POLH: variants seen among roughly 807,000 people sequenced by gnomAD.
POLH encodes the protein DNA polymerase eta transcript.
In POLH, 53 loss-of-function variants were observed where a neutral mutation model predicts 73.6. The observed-to-expected ratio is 0.72, with a 90% CI of 0.58 to 0.91. POLH has a LOEUF of 0.91. POLH is among the 40% of genes least tolerant of loss of function. POLH has a pLI of 0.00. For missense variants in POLH, 768 were observed against 865.4 expected, an observed-to-expected ratio of 0.89 and a Z score of 1.41; for synonymous variants, 292 against 308.5, an observed-to-expected ratio of 0.95 and a Z score of 0.56.
chr6:43,586,781 C>T lies in POLH; in HGVS notation c.273-491C>T, dbSNP rs76792740. 6.6e-4 allele frequency among the ~76,000 whole-genome samples: 100 copies of T among 152,246 alleles called. No homozygotes were observed. In the East Asian group the frequency reaches 0.011, roughly 17 times the overall value. On this transcript the variant is annotated intron_variant, in intron 3 of 10. Coordinates refer to ENST00000372236, the MANE Select transcript of POLH (RefSeq NM_006502.3). ...TTGACTGAAGTATAAAATCCATATG[C>T]CAGTTTGTTAATTTATGGTGAGAAA... is the stretch of plus-strand genomic sequence containing the variant.
rs1037198460 is a variant in POLH, at chr6:43,616,839, T to C, written c.*2282T>C. On this transcript the variant is annotated 3_prime_UTR_variant, in exon 11 of 11. Coordinates refer to ENST00000372236, the MANE Select transcript of POLH (RefSeq NM_006502.3). Reference sequence around the variant, plus strand: ...GCCTATCTCTTGCGTTTTGTTCTAATGTAGAATTAGATTGCTACTTGACTA... The same window carrying C: ...GCCTATCTCTTGCGTTTTGTTCTAACGTAGAATTAGATTGCTACTTGACTA... Among the ~76,000 whole-genome samples the C allele has an allele frequency of 6.6e-6, 1 of 152,242 alleles. No individual in the cohort carries two copies.
At chr6:43,582,526 T>TGG (rs1764390116) in intron 2 of POLH, 70 bp downstream of exon 2, 2 of 1,508,310 alleles carry the variant, frequency 1.3e-6, no homozygotes, top group Non-Finnish European at 1.8e-6. Flanking sequence ...TCCTTTGTTG[T>TGG]TGTGGTGGTG....
chr6:43,587,157 C>T, intron 3 of POLH, 115 bp from the exon 4 acceptor site: 2 of 834,466 alleles, frequency 2.4e-6, no homozygotes, highest in Non-Finnish European at 4.2e-6. Flanking sequence ...TCTGTTAAGC[C>T]ACATGTCTCT....
chr6:43,582,867 C>A, intron 2 of POLH, 140 bp from the exon 3 acceptor site: 1 of 757,634 alleles, frequency 1.3e-6, no homozygotes, highest in Non-Finnish European at 2.2e-6. Context: ...GATTTCTGAA[C>A]TGCTTTGTTT....
Position 43,597,717 on chromosome 6 carries a change from T to C in POLH, c.512T>C (p.Leu171Ser), listed in dbSNP as rs1209625352. 1 of 1,614,152 alleles carries C rather than the reference T, an allele frequency of 6.2e-7. No individual in the cohort carries two copies. Among genetic ancestry groups the C allele is most frequent in the Admixed American group, 1.7e-5 (1 of 60,016 alleles). ...TCAGAGGGGATGCGAAAACAAGGCT[T>C]ATTTCAATGGCTCGATTCTCTTCAG... ...VQKEGMRKQG[L>S]FQWLDSLQID... Residue 171 changes from leucine (L) to serine (S), a missense_variant, in exon 5 of 11, where the codon TTA becomes TCA. Coordinates refer to ENST00000372236, the MANE Select transcript of POLH (RefSeq NM_006502.3).
chr6:43,588,335 C>T (rs1434364006), intron 4 of POLH: 1 of 152,212 alleles, frequency 6.6e-6, no homozygotes, highest in Admixed American at 6.5e-5. Context: ...TTTGATATAT[C>T]TTAGATGTCT....
chr6:43,581,845 A>T (rs1482130360), intron 1 of POLH, among the ~76,000 whole-genome samples: 2 of 151,178 alleles, frequency 1.3e-5, no homozygotes, highest in East Asian at 3.9e-4. Flanking sequence ...TCCCTAAGCC[A>T]CCGACCCCAG....
intron 4 of POLH, 50 bp from the exon 5 acceptor site, chr6:43,597,646 A>T: frequency 6.6e-7 from 1 of 1,513,296 alleles, no homozygotes; most frequent in Non-Finnish European, 9.2e-7. Context: ...TAGCACAATT[A>T]AATAAATAAT....
chr6:43,617,669 C>G lies in POLH; in HGVS notation c.*3112C>G, dbSNP rs550054924. On this transcript the variant is annotated 3_prime_UTR_variant, in exon 11 of 11. Transcript: ENST00000372236. ...TGTGGGCCGGGTGCAGTGGCTCATG[C>G]CTGTAATCCCAGCACTTTGGGAGGC... Among the ~76,000 whole-genome samples, 3 of 151,906 alleles carry G rather than the reference C, an allele frequency of 2.0e-5. No homozygotes were observed. The highest frequency in any genetic ancestry group is 4.4e-5 in the Non-Finnish European group (3 of 67,998).
chr6:43,584,350 A>C (rs1764586328), intron 3 of POLH, among the ~76,000 whole-genome samples: 1 of 152,160 alleles, frequency 6.6e-6, no homozygotes, highest in Non-Finnish European at 1.5e-5. Flanking sequence ...ACAGACCCAC[A>C]TTGGAATTAT....
rs1412034053 is a variant in POLH, at chr6:43,614,857, A to G, written c.*300A>G. On this transcript the variant is annotated 3_prime_UTR_variant, in exon 11 of 11. Transcript: ENST00000372236. The stretch of plus-strand genomic sequence containing the variant: ...TTGGAGTCTAAGAGACGTGGTTGCA[A>G]ACTTAGCTCTGGTTATTGCAATGAG... 2 of 357,078 alleles carry G rather than the reference A, an allele frequency of 5.6e-6. No individual in the cohort carries two copies. The highest frequency in any genetic ancestry group is 1.1e-4 in the East Asian group (2 of 18,672). The allele number at this position is 357,078 out of a possible 1,614,324, so 22.1% of individuals were successfully genotyped here.
intron 9 of POLH, among the ~76,000 whole-genome samples, chr6:43,607,353 A>C (rs150617532): frequency 0.015 from 2,354 of 152,324 alleles, 33 homozygotes; most frequent in South Asian, 0.062. Context: ...TCAGCATCCA[A>C]AAGTGCTGGG....
At chr6:43,607,251 C>T (rs1239627809) in intron 9 of POLH, among the ~76,000 whole-genome samples, 2 of 152,126 alleles carry the variant, frequency 1.3e-5, no homozygotes, top group East Asian at 1.9e-4. Flanking sequence ...CGCGCCACCA[C>T]GCCCAGCTAA....
chr6:43,576,740 C>T (rs1411393226), intron 1 of POLH, among the ~76,000 whole-genome samples: 4 of 152,210 alleles, frequency 2.6e-5, no homozygotes, highest in Admixed American at 1.3e-4. Flanking sequence ...GGAATAATTG[C>T]AATCAGTGAA....
In POLH at chr6:43,619,676, G is replaced by A. The variant is rs1768586143; in HGVS notation, c.*5119G>A. 6.6e-6 allele frequency among the ~76,000 whole-genome samples: 1 copy of A among 152,166 alleles called. No homozygotes were observed. The highest frequency in any genetic ancestry group is 2.1e-4 in the South Asian group (1 of 4,826). ...GATGTCTTATTAAGTACTGAAATGT[G>A]ATTTTCCAAAATTTTCTTTACAATA... On this transcript the variant is annotated 3_prime_UTR_variant, in exon 11 of 11. Transcript: ENST00000372236.
Position 43,618,165 on chromosome 6 carries a change from A to T in POLH, c.*3608A>T, listed in dbSNP as rs564179351. ...ATGTTTATACTACTGTATTATTATT[A>T]TTTTTTTTTGAGATGGAGTCTCGCT... On this transcript the variant is annotated 3_prime_UTR_variant, in exon 11 of 11. Coordinates refer to ENST00000372236, the MANE Select transcript of POLH (RefSeq NM_006502.3). Among the ~76,000 whole-genome samples the T allele has an allele frequency of 5.2e-4, 78 of 150,784 alleles. No individual in the cohort carries two copies. Among genetic ancestry groups the T allele is most frequent in the Admixed American group, 2.1e-3 (31 of 15,070 alleles).
chr6:43,597,997 G>C, intron 5 of POLH, 132 bp downstream of exon 5: 1 of 773,120 alleles, frequency 1.3e-6, no homozygotes, highest in Non-Finnish European at 2.2e-6. Flanking sequence ...TGGATCGCGT[G>C]AGCCCAGGAG....
chr6:43,613,794 A>G lies in POLH; in HGVS notation c.1379A>G (p.Glu460Gly). 1 of 1,614,072 alleles carries G rather than the reference A, an allele frequency of 6.2e-7. No individual in the cohort carries two copies. Among genetic ancestry groups the G allele is most frequent in the Non-Finnish European group, 8.5e-7 (1 of 1,179,998 alleles). The change falls in exon 11 of 11, where the codon GAA (glutamate) becomes GGA (glycine). Residue 460 changes from glutamate (E) to glycine (G), a missense_variant. Coordinates refer to ENST00000372236, the MANE Select transcript of POLH (RefSeq NM_006502.3). ...SLPKVPVTSSEAKTQGSGPAV... is the reference protein window; with the variant it reads ...SLPKVPVTSSGAKTQGSGPAV... ...CCAAAGGTGCCAGTTACCAGCTCAG[A>G]AGCTAAGACCCAGGGAAGTGGCCCA...
intron 4 of POLH, among the ~76,000 whole-genome samples, chr6:43,597,245 A>C (rs1380833974): frequency 6.6e-6 from 1 of 152,080 alleles, no homozygotes; most frequent in African/African-American, 2.4e-5. Flanking sequence ...CCTCCTGAGT[A>C]GCTGTGGTTA....
Sources: allele counts gnomAD v4.1 joint callset (sites outside exome capture counted in the v4.1 genomes callset), GRCh38; gene constraint gnomAD v4.1.1; transcripts MANE v1.5; gene names NCBI Gene and HGNC (gene_info 2026-07-23, HGNC 2026-07-21).